GPD1L: variants seen among roughly 807,000 people sequenced by gnomAD.
The protein encoded by GPD1L is glycerol-3-phosphate dehydrogenase 1 like, also known as glycerol-3-phosphate dehydrogenase 1-like protein.
In GPD1L, 17 loss-of-function variants were observed where a neutral mutation model predicts 32.9. The observed-to-expected ratio is 0.52, with a 90% CI of 0.35 to 0.78. The LOEUF is 0.78. Among genes scored for constraint, GPD1L ranks in the 30% least tolerant of loss-of-function variants. The probability of loss-of-function intolerance (pLI) is 0.01; values close to 1 mark genes in which losing one functional copy is unlikely to be tolerated. For synonymous variants in GPD1L, 187 were observed against 165.9 expected (o/e 1.13, Z -0.98); for missense variants, 361 against 447.8 (o/e 0.81, Z 1.75).
At chr3:32,146,950 G>A (rs1397404908) in intron 5 of GPD1L, among the ~76,000 whole-genome samples, 2 of 152,182 alleles carry the variant, frequency 1.3e-5, no homozygotes. Context: ...TAAATATGGG[G>A]GAATTGTGAT....
At chr3:32,145,088 G>A (rs972197336) in intron 4 of GPD1L, among the ~76,000 whole-genome samples, 10 of 151,704 alleles carry the variant, frequency 6.6e-5, no homozygotes, top group African/African-American at 2.4e-4. Flanking sequence ...GAAGGCCAAG[G>A]CAGGTGGATT....
rs539126177 is a variant in GPD1L at position 32,113,643 on chromosome 3, A to T, written c.47+6885A>T. Among the ~76,000 whole-genome samples, 11 of 152,290 alleles carry T rather than the reference A, an allele frequency of 7.2e-5. No homozygotes were observed. In the East Asian group the frequency reaches 2.1e-3, roughly 29 times the overall value. ...TGCTTTGAGGCTCAGTCTCTTCCAC[A>T]ATTGGAAGAGGAGAACTGAATCAGT... On this transcript the variant is annotated intron_variant, in intron 1 of 7. Coordinates refer to ENST00000282541, the MANE Select transcript of GPD1L (RefSeq NM_015141.4).
intron 5 of GPD1L, chr3:32,151,475 T>C (rs112977925): frequency 1.4e-5 from 6 of 419,618 alleles, no homozygotes; most frequent in African/African-American, 1.3e-4. Flanking sequence ...TTTTAGCTTA[T>C]GTATTTATTT....
intron 4 of GPD1L, among the ~76,000 whole-genome samples, chr3:32,146,098 T>A (rs900691873): frequency 2.6e-5 from 3 of 115,936 alleles, no homozygotes; most frequent in Admixed American, 2.5e-4. Context: ...TTTTTTTTTT[T>A]TTTTTTGAGA....
chr3:32,156,633 A>G (rs1263573081), intron 5 of GPD1L, among the ~76,000 whole-genome samples: 1 of 152,036 alleles, frequency 6.6e-6, no homozygotes, highest in Non-Finnish European at 1.5e-5. Context: ...TTTCATGTGA[A>G]GTATCTTTGC....
chr3:32,155,754 A>G (rs1277711499), intron 5 of GPD1L, among the ~76,000 whole-genome samples: 2 of 152,186 alleles, frequency 1.3e-5, no homozygotes, highest in Non-Finnish European at 2.9e-5. Flanking sequence ...AATTGCACCA[A>G]CTTTCCTGAA....
chr3:32,125,780 A>G (rs1377231853), intron 1 of GPD1L, among the ~76,000 whole-genome samples: 3 of 142,218 alleles, frequency 2.1e-5, no homozygotes, highest in Admixed American at 6.7e-5. Context: ...TATTACCACC[A>G]TCTGGCCCAA....
At chr3:32,133,739 T>A (rs954787053) in intron 2 of GPD1L, among the ~76,000 whole-genome samples, 1 of 152,140 alleles carries the variant, frequency 6.6e-6, no homozygotes, top group African/African-American at 2.4e-5. Context: ...ATGATGAAAG[T>A]GAGGTCTTTT....
chr3:32,107,111 G>T (rs913099721), intron 1 of GPD1L, among the ~76,000 whole-genome samples: 2 of 152,198 alleles, frequency 1.3e-5, no homozygotes, highest in Non-Finnish European at 2.9e-5. Context: ...CTCCACGGCG[G>T]ATCTCCTGGG....
chr3:32,130,566 A>T (rs906120348), intron 2 of GPD1L, among the ~76,000 whole-genome samples: 5 of 152,054 alleles, frequency 3.3e-5, no homozygotes, highest in African/African-American at 1.2e-4. Flanking sequence ...GGCCCCTCCC[A>T]CATAGGAGCC....
chr3:32,148,847 G>T (rs898659086), intron 5 of GPD1L, among the ~76,000 whole-genome samples: 1 of 152,094 alleles, frequency 6.6e-6, no homozygotes, highest in Non-Finnish European at 1.5e-5. Flanking sequence ...TTTTCCCCCC[G>T]ACTATAACAC....
intron 3 of GPD1L, 43 bp from the exon 4 acceptor site, chr3:32,140,185 A>G: frequency 6.2e-7 from 1 of 1,611,880 alleles, no homozygotes; most frequent in Non-Finnish European, 8.5e-7. Context: ...TGCCTCTTTG[A>G]TTTGGCGGTT....
chr3:32,140,468 C>A, intron 4 of GPD1L, 102 bp downstream of exon 4: 1 of 1,344,888 alleles, frequency 7.4e-7, no homozygotes. Context: ...CTTCCCTGTC[C>A]CTCTTAACAT....
intron 4 of GPD1L, 96 bp downstream of exon 4, chr3:32,140,462 C>G: frequency 7.2e-7 from 1 of 1,385,538 alleles, no homozygotes; most frequent in Admixed American, 1.7e-5. Flanking sequence ...TAGACTCTTC[C>G]CTGTCCCTCT....
chr3:32,123,839 T>TAGAC (rs139824495), intron 1 of GPD1L, among the ~76,000 whole-genome samples: 9,056 of 134,350 alleles, frequency 0.067, 419 homozygotes, highest in Non-Finnish European at 0.095. Flanking sequence ...GATAGATAGA[T>TAGAC]AGACAGACAG....
At chr3:32,123,927 GCAGGTCCCCAACTATGACCTGTT>G (rs779015829) in intron 1 of GPD1L, among the ~76,000 whole-genome samples, 4 of 152,132 alleles carry the variant, frequency 2.6e-5, no homozygotes, top group Non-Finnish European at 5.9e-5. Flanking sequence ...CAGTGTGGCC[GCAGGTCCCCAACTATGACCTGTT>G]CACATGCAAA....
intron 5 of GPD1L, among the ~76,000 whole-genome samples, chr3:32,157,170 C>T (rs566008553): frequency 1.3e-5 from 2 of 151,316 alleles, no homozygotes; most frequent in East Asian, 1.9e-4. Context: ...GCTCAGATGC[C>T]GCCTCCTCCA....
At chr3:32,136,420 A>G (rs1429963425) in intron 2 of GPD1L, among the ~76,000 whole-genome samples, 1 of 152,226 alleles carries the variant, frequency 6.6e-6, no homozygotes, top group Non-Finnish European at 1.5e-5. Flanking sequence ...GAAATGGGGT[A>G]GGGGCCAATT....
At chr3:32,161,146 C>A (rs1701069284) in intron 7 of GPD1L, among the ~76,000 whole-genome samples, 1 of 152,122 alleles carries the variant, frequency 6.6e-6, no homozygotes, top group African/African-American at 2.4e-5. Context: ...AGTCATGCAT[C>A]TTTACCTCCC....
Sources: allele counts gnomAD v4.1 joint callset (sites outside exome capture counted in the v4.1 genomes callset), GRCh38; gene constraint gnomAD v4.1.1; transcripts MANE v1.5; gene names NCBI Gene and HGNC (gene_info 2026-07-23, HGNC 2026-07-21).